The following DYNC2I1 variants were observed in gnomAD, a reference collection of about 807,000 sequenced individuals.
DYNC2I1 encodes the protein dynein 2 intermediate chain 1, also known as cytoplasmic dynein 2 intermediate chain 1.
Under a neutral mutation model 133.4 loss-of-function variants are expected in DYNC2I1, and 89 were observed. The ratio of observed to expected loss-of-function variants is 0.67; its 90% CI spans 0.56 to 0.80. The LOEUF is 0.80. Ranked by LOEUF, DYNC2I1 falls within the 30% of genes least tolerant of loss-of-function variation. The pLI is 0.00. For synonymous variants in DYNC2I1, 504 were observed against 484.3 expected (o/e 1.04, Z -0.54); for missense variants, 1,291 against 1,314.5 (o/e 0.98, Z 0.28).
At chr7:158,898,460 T>G (rs1845938907) in intron 8 of DYNC2I1, among the ~76,000 whole-genome samples, 1 of 152,246 alleles carries the variant, frequency 6.6e-6, no homozygotes, top group African/African-American at 2.4e-5. Context: ...AGACATAAAA[T>G]TGGCATCTTT....
At chr7:158,872,738 T>G (rs778295640) in intron 3 of DYNC2I1, among the ~76,000 whole-genome samples, 1 of 152,106 alleles carries the variant, frequency 6.6e-6, no homozygotes, top group Admixed American at 6.5e-5. Flanking sequence ...GCCTCATGCC[T>G]GTAATCCTAG....
chr7:158,879,397 G>A (rs1271656605), intron 4 of DYNC2I1, among the ~76,000 whole-genome samples: 1 of 152,072 alleles, frequency 6.6e-6, no homozygotes, highest in African/African-American at 2.4e-5. Context: ...ATATAAAATG[G>A]TGTAGTGTCT....
chr7:158,858,459 A>G (rs1304895208), intron 1 of DYNC2I1, among the ~76,000 whole-genome samples: 1 of 152,216 alleles, frequency 6.6e-6, no homozygotes, highest in Non-Finnish European at 1.5e-5. Flanking sequence ...TTAATGTACC[A>G]CAATGAAGTT....
At chr7:158,946,933 G>A (rs1410213565), downstream of DYNC2I1, among the ~76,000 whole-genome samples, 1 of 152,228 alleles carries the variant, frequency 6.6e-6, no homozygotes, top group African/African-American at 2.4e-5. Flanking sequence ...CAGACCGGCT[G>A]TGACGCTGCA....
chr7:158,841,195 A>G, the DYNC2I1 span, among the ~76,000 whole-genome samples: 11 of 67,282 alleles, frequency 1.6e-4, 1 homozygote, highest in African/African-American at 8.7e-4. Flanking sequence ...ATATATATAT[A>G]TATATATATA....
intron 1 of DYNC2I1, among the ~76,000 whole-genome samples, chr7:158,857,014 G>T (rs1018261033): frequency 7.2e-5 from 11 of 152,078 alleles, no homozygotes; most frequent in African/African-American, 2.7e-4. Context: ...TCGCCGCCGC[G>T]GCCCGTCTCC....
intron 14 of DYNC2I1, among the ~76,000 whole-genome samples, chr7:158,915,683 G>A (rs113455378): frequency 5.4e-5 from 5 of 92,208 alleles, no homozygotes; most frequent in South Asian, 3.1e-4. Flanking sequence ...ATTGTGAAAC[G>A]TCGACACGCT....
intron 12 of DYNC2I1, among the ~76,000 whole-genome samples, chr7:158,912,576 G>A (rs116586553): frequency 1.4e-3 from 211 of 152,200 alleles, no homozygotes; most frequent in African/African-American, 4.7e-3. Context: ...ATTAATCCTG[G>A]TTTTGCAGCT....
chr7:158,843,035 A>G, the DYNC2I1 span, among the ~76,000 whole-genome samples: 17 of 152,234 alleles, frequency 1.1e-4, no homozygotes, highest in Non-Finnish European at 2.4e-4. Context: ...GCAAATGCAG[A>G]TTACATAAAC....
intron 4 of DYNC2I1, among the ~76,000 whole-genome samples, chr7:158,952,901 C>G (rs1283574309): frequency 6.6e-6 from 1 of 152,214 alleles, no homozygotes; most frequent in Non-Finnish European, 1.5e-5. Flanking sequence ...CCCCTTGAAA[C>G]TCCGTGAGCC....
intron 15 of DYNC2I1, among the ~76,000 whole-genome samples, chr7:158,922,122 C>T (rs1029256536): frequency 2.5e-4 from 38 of 152,162 alleles, no homozygotes; most frequent in Admixed American, 2.2e-3. Flanking sequence ...CTGTGGGAGT[C>T]GCTCGTGGAG....
At chr7:158,874,769 C>T (rs1843200572) in intron 3 of DYNC2I1, among the ~76,000 whole-genome samples, 1 of 152,196 alleles carries the variant, frequency 6.6e-6, no homozygotes, top group Non-Finnish European at 1.5e-5. Flanking sequence ...TTTTTACCCC[C>T]AGCTGGGCAT....
chr7:158,921,027 T>C (rs963690734), intron 15 of DYNC2I1, among the ~76,000 whole-genome samples: 1 of 152,210 alleles, frequency 6.6e-6, no homozygotes, highest in Admixed American at 6.5e-5. Flanking sequence ...GTCGGGGAGC[T>C]GCAGTTCAGC....
chr7:158,940,432 C>T (rs1240651338), intron 23 of DYNC2I1, among the ~76,000 whole-genome samples: 1 of 152,136 alleles, frequency 6.6e-6, no homozygotes, highest in Non-Finnish European at 1.5e-5. Flanking sequence ...CGTAATAGGC[C>T]GTGGTCTGGT....
intron 21 of DYNC2I1, among the ~76,000 whole-genome samples, chr7:158,932,976 G>A (rs532658455): frequency 6.8e-4 from 104 of 152,324 alleles, no homozygotes; most frequent in Non-Finnish European, 1.4e-3. Context: ...GTGTGTTCCA[G>A]TGAGGACAGG....
intron 23 of DYNC2I1, among the ~76,000 whole-genome samples, chr7:158,941,131 A>G (rs1254722247): frequency 1.3e-5 from 2 of 152,236 alleles, no homozygotes; most frequent in African/African-American, 4.8e-5. Flanking sequence ...ATCAGAAACC[A>G]AAGAGGAGAT....
At chr7:158,915,315 G>A (rs1298703228) in intron 14 of DYNC2I1, among the ~76,000 whole-genome samples, 9 of 150,700 alleles carry the variant, frequency 6.0e-5, no homozygotes, top group South Asian at 2.1e-4. Flanking sequence ...ACCTGGACAC[G>A]CTGGTTGACA....
chr7:158,921,802 G>A (rs1422736281), intron 15 of DYNC2I1, among the ~76,000 whole-genome samples: 1 of 152,182 alleles, frequency 6.6e-6, no homozygotes, highest in African/African-American at 2.4e-5. Flanking sequence ...CGCCAGTCAT[G>A]GACTTCCTAT....
intron 3 of DYNC2I1, among the ~76,000 whole-genome samples, chr7:158,872,835 G>GA (rs958807030): frequency 2.6e-5 from 4 of 151,408 alleles, no homozygotes; most frequent in African/African-American, 7.3e-5. Flanking sequence ...CATCTCTACT[G>GA]AAAAAAAAGA....
Sources: allele counts gnomAD v4.1 joint callset (sites outside exome capture counted in the v4.1 genomes callset), GRCh38; gene constraint gnomAD v4.1.1; transcripts MANE v1.5; gene names NCBI Gene and HGNC (gene_info 2026-07-23, HGNC 2026-07-21).